CCDC77: variants seen among roughly 807,000 people sequenced by gnomAD.
CCDC77 encodes the protein coiled-coil domain containing 77, also known as coiled-coil domain-containing protein 77.
CCDC77 carries 56 observed loss-of-function variants against 66.8 expected under a neutral mutation model. The ratio of observed to expected loss-of-function variants is 0.84; its 90% confidence interval spans 0.68 to 1.05. CCDC77 has a LOEUF of 1.05. CCDC77 is among the 50% of genes least tolerant of loss of function. The pLI is 0.00. For missense variants in CCDC77, 570 were observed against 576.8 expected, an observed-to-expected ratio of 0.99 and a Z score of 0.12; for synonymous variants, 196 against 195.2, an observed-to-expected ratio of 1.00 and a Z score of -0.03.
In CCDC77 at chr12:416,371, GTGTGTGTATATATATATATA is replaced by G. The variant is rs1192432459; in HGVS notation, c.271-2121_271-2102del. ...TGTGTGTGTGTGTGTGTGTGTGTGT[GTGTGTGTATATATATATATA>G]TATATATATATATATATATATATAT... is the stretch of plus-strand genomic sequence containing the variant. On this transcript the variant is annotated intron_variant, in intron 4 of 12. Transcript: ENST00000239830. Among the ~76,000 whole-genome samples the G allele has an allele frequency of 9.4e-4, 26 of 27,650 alleles. 2 individuals carry two copies. Among genetic ancestry groups the G allele is most frequent in the African/African-American group, 2.8e-3 (21 of 7,446 alleles). The allele number at this position is 27,650 out of a possible 152,430, so 18.1% of individuals were successfully genotyped here.
Position 424,019 on chromosome 12 carries a change from C to T in CCDC77, c.414-4750C>T, listed in dbSNP as rs147314841. On this transcript the variant is annotated intron_variant, in intron 5 of 12. Transcript: ENST00000239830. The stretch of plus-strand genomic sequence containing the variant: ...GTTGAGACAGGGTCTTGCTCTGTCG[C>T]CCAGGCAGTGGCGTGATCACGGCTC... Among the ~76,000 whole-genome samples the T allele has an allele frequency of 1.2e-4, 18 of 152,230 alleles. No homozygotes were observed. In the East Asian group the frequency reaches 3.3e-3, roughly 28 times the overall value.
chr12:396,878 C>A (rs1944834834), upstream of CCDC77, among the ~76,000 whole-genome samples: 1 of 152,150 alleles, frequency 6.6e-6, no homozygotes, highest in African/African-American at 2.4e-5. Context: ...GGGGAGTCAT[C>A]AAAGTTTATA....
chr12:392,994 C>G (rs1317477668), intron 1 of CCDC77, among the ~76,000 whole-genome samples: 2 of 132,352 alleles, frequency 1.5e-5, no homozygotes. Flanking sequence ...TTAGCAGGAT[C>G]GAGCTGGATT....
chr12:410,137 C>T (rs1217544714), intron 3 of CCDC77, among the ~76,000 whole-genome samples: 1 of 152,090 alleles, frequency 6.6e-6, no homozygotes, highest in Non-Finnish European at 1.5e-5. Flanking sequence ...CAAGTGAGCA[C>T]ATATATTAAC....
chr12:435,007 C>G (rs573952798), intron 9 of CCDC77, among the ~76,000 whole-genome samples: 57 of 151,008 alleles, frequency 3.8e-4, no homozygotes, highest in Non-Finnish European at 7.8e-4. Flanking sequence ...TATTCCGTTT[C>G]CAAATGCTCC....
chr12:423,849 A>T (rs181452241), intron 5 of CCDC77, among the ~76,000 whole-genome samples: 2 of 152,060 alleles, frequency 1.3e-5, no homozygotes, highest in East Asian at 3.9e-4. Flanking sequence ...AGGGAGTCTC[A>T]TTGTGGTTTT....
At chr12:415,341 AATATAATCAAC>A (rs1369314909) in intron 4 of CCDC77, among the ~76,000 whole-genome samples, 2 of 102,938 alleles carry the variant, frequency 1.9e-5, no homozygotes, top group Non-Finnish European at 4.0e-5. Flanking sequence ...ATATTATGTT[AATATAATCAAC>A]ATAATATTAT....
intron 5 of CCDC77, among the ~76,000 whole-genome samples, chr12:423,470 GTTTT>G (rs1307027692): frequency 2.2e-5 from 1 of 44,846 alleles, no homozygotes; most frequent in African/African-American, 7.4e-5. Flanking sequence ...TGTTTTTTGT[GTTTT>G]TTGTGTTTTT....
At chr12:407,782 ATTTTTT>A in intron 2 of CCDC77, among the ~76,000 whole-genome samples, 1 of 100,434 alleles carries the variant, frequency 1.0e-5, no homozygotes, top group Non-Finnish European at 1.8e-5. Context: ...AGGACTGAAG[ATTTTTT>A]TTTTTTTTTT....
At chr12:423,475 TTG>T (rs765872165) in intron 5 of CCDC77, among the ~76,000 whole-genome samples, 1 of 38,938 alleles carries the variant, frequency 2.6e-5, no homozygotes, top group Non-Finnish European at 4.7e-5. Flanking sequence ...TTTGTGTTTT[TTG>T]TGTTTTTTTT....
chr12:392,184 T>C (rs1279706637), intron 1 of CCDC77, among the ~76,000 whole-genome samples: 2 of 151,980 alleles, frequency 1.3e-5, no homozygotes, highest in Admixed American at 1.3e-4. Context: ...AAAAAAAAAT[T>C]AGAGTATTAT....
chr12:434,051 C>T (rs77719118), intron 9 of CCDC77, among the ~76,000 whole-genome samples: 2,691 of 152,064 alleles, frequency 0.018, 72 homozygotes, highest in African/African-American at 0.058. Context: ...ACACGCAGGA[C>T]GTAGAACGTC....
chr12:390,828 CACTT>C (rs1944742644), intron 1 of CCDC77, among the ~76,000 whole-genome samples: 1 of 152,304 alleles, frequency 6.6e-6, no homozygotes, highest in East Asian at 1.9e-4. Context: ...AAGATGGCCT[CACTT>C]ACGTGTCTGG....
intron 5 of CCDC77, among the ~76,000 whole-genome samples, chr12:428,402 T>C (rs1302750116): frequency 6.7e-6 from 1 of 149,196 alleles, no homozygotes; most frequent in Admixed American, 6.8e-5. Flanking sequence ...TCCCAGGTGC[T>C]CGGGAGGCTG....
intron 12 of CCDC77, 29 bp downstream of exon 12, chr12:441,025 G>A (rs1382040862): frequency 6.2e-7 from 1 of 1,602,960 alleles, no homozygotes; most frequent in Admixed American, 1.7e-5. Context: ...TTGCCACGAG[G>A]GAGAGAAGAG....
intron 4 of CCDC77, 105 bp from the exon 5 acceptor site, chr12:418,389 T>C (rs866288090): frequency 4.5e-5 from 51 of 1,145,020 alleles, no homozygotes; most frequent in East Asian, 4.3e-4. Flanking sequence ...GGCAAAATTA[T>C]TTACTTTGGA....
chr12:414,940 C>G lies in CCDC77; in HGVS notation c.270+2962C>G, dbSNP rs921352203. On this transcript the variant is annotated intron_variant, in intron 4 of 12. Coordinates refer to ENST00000239830, the MANE Select transcript of CCDC77 (RefSeq NM_032358.4). ...CCTCACACTTTTCACTCTAGCAGTA[C>G]TGAAATATTTGTACTTGTCCAAATT... is the stretch of plus-strand genomic sequence containing the variant. Among the ~76,000 whole-genome samples, 3 of 152,134 alleles carry G rather than the reference C, an allele frequency of 2.0e-5. No individual in the cohort carries two copies. The East Asian group carries it at 5.8e-4, about 29-fold the overall frequency.
intron 9 of CCDC77, among the ~76,000 whole-genome samples, chr12:437,153 G>C (rs1945775112): frequency 6.6e-6 from 1 of 152,114 alleles, no homozygotes; most frequent in Non-Finnish European, 1.5e-5. Flanking sequence ...TAATACTCTT[G>C]CAAGCAGCCA....
At chr12:431,498 G>C (rs113514526) in intron 7 of CCDC77, among the ~76,000 whole-genome samples, 2 of 152,206 alleles carry the variant, frequency 1.3e-5, no homozygotes, top group African/African-American at 4.8e-5. Flanking sequence ...CCAAAGCACT[G>C]AGATTACAGG....
Sources: allele counts gnomAD v4.1 joint callset (sites outside exome capture counted in the v4.1 genomes callset), GRCh38; gene constraint gnomAD v4.1.1; transcripts MANE v1.5; gene names NCBI Gene and HGNC (gene_info 2026-07-23, HGNC 2026-07-21).